The following BICRA variants were observed in gnomAD, a reference collection of about 807,000 sequenced individuals.
The protein encoded by BICRA is BRD4 interacting chromatin remodeling complex associated protein.
BICRA carries 31 observed loss-of-function variants against 96.9 expected under a neutral mutation model. The observed-to-expected ratio is 0.32, with a 90% CI of 0.24 to 0.43. The LOEUF is 0.43. BICRA is among the 20% of genes least tolerant of loss of function. The pLI, the probability that BICRA is intolerant of heterozygous loss-of-function variation, is 1.00. For missense variants in BICRA, 2,283 were observed against 2,190.3 expected (o/e 1.04, Z -0.84); for synonymous variants, 1,350 against 1,071.8 (o/e 1.26, Z -5.07).
intron 7 of BICRA, among the ~76,000 whole-genome samples, chr19:47,688,923 T>C (rs938393635): frequency 6.6e-6 from 1 of 151,976 alleles, no homozygotes; most frequent in African/African-American, 2.4e-5. Flanking sequence ...GTCTCTGGGA[T>C]TGGAGCAATT....
intron 1 of BICRA, among the ~76,000 whole-genome samples, chr19:47,621,491 G>A (rs1447814736): frequency 2.1e-5 from 3 of 146,332 alleles, no homozygotes; most frequent in African/African-American, 5.1e-5. Flanking sequence ...TTTTAAATGC[G>A]AGATGGAATT....
rs1464943492 is a variant in BICRA, at chr19:47,701,533, C to G, written c.3801C>G (p.Ser1267=). 6.5e-7 allele frequency: 1 copy of G among 1,549,232 alleles called. No homozygotes were observed. Among genetic ancestry groups the G allele is most frequent in the South Asian group, 1.2e-5 (1 of 84,148 alleles). Residue 1267 remains serine, a synonymous_variant, in exon 15 of 15, where the codon TCC becomes TCG. Coordinates refer to ENST00000594866, the MANE Select transcript of BICRA (RefSeq NM_001394372.1). This position sits in a 1 kb window ranked among gnomAD's most constrained non-coding sequence, Gnocchi z 5.4. ...PSVTWARASS[S]LSSSSSSSSA... ...TCACCTGGGCCCGGGCGTCCTCCTC[C>G]CTGTCCTCCTCTTCCTCCTCCTCCT...
Position 47,698,337 on chromosome 19 carries a change from C to A in BICRA, c.3249-297C>A, listed in dbSNP as rs1285472225. ...TAGCAGCTTCCAGGCTCTGGCCTCA[C>A]TTCCCGCTCTGCTCTTCCTCCCTTA... On this transcript the variant is annotated intron_variant, in intron 11 of 14. Transcript: ENST00000594866. The surrounding 1 kb of genome is among the most constrained non-coding windows in gnomAD (Gnocchi z 4.8). Among the ~76,000 whole-genome samples, 1 of 152,186 alleles carries A rather than the reference C, an allele frequency of 6.6e-6. No homozygotes were observed. Among genetic ancestry groups the A allele is most frequent in the Non-Finnish European group, 1.5e-5 (1 of 68,022 alleles).
chr19:47,679,264 T>G, intron 5 of BICRA, 57 bp from the exon 6 acceptor site: 6 of 1,303,832 alleles, frequency 4.6e-6, no homozygotes, highest in Non-Finnish European at 6.0e-6. Flanking sequence ...AGCTGTGGCC[T>G]AAGCGTAGCC....
chr19:47,680,919 C>T lies in BICRA; in HGVS notation c.1749C>T (p.Leu583=), dbSNP rs1254571143. The change falls in exon 6 of 15, where the codon CTC becomes CTT. Residue 583 remains leucine (L), a synonymous_variant. Transcript: ENST00000594866. ...APAGPAATTV[L]QGVTLPPSAV... ...CCGGGCCGGCCGCCACCACTGTCCTCCAGGGGGTCACCCTGCCCCCCAGCG... is the reference window on the plus strand; with the variant it reads ...CCGGGCCGGCCGCCACCACTGTCCTTCAGGGGGTCACCCTGCCCCCCAGCG... The T allele has an allele frequency of 6.8e-7, 1 of 1,481,478 alleles. No homozygotes were observed. The highest frequency in any genetic ancestry group is 8.9e-7 in the Non-Finnish European group (1 of 1,128,072). 91.8% of individuals were successfully genotyped at this position (1,481,478 alleles called of 1,614,324 possible).
In BICRA at chr19:47,694,369, T is replaced by C. The variant is rs1199584354; in HGVS notation, c.2538T>C (p.Pro846=). The C allele has an allele frequency of 6.8e-6, 8 of 1,172,404 alleles. No individual in the cohort carries two copies. Among genetic ancestry groups the C allele is most frequent in the Non-Finnish European group, 9.5e-6 (8 of 845,464 alleles). 72.6% of individuals were successfully genotyped at this position (1,172,404 alleles called of 1,614,324 possible). The change falls in exon 8 of 15, where the codon CCT becomes CCC. Residue 846 remains proline (P), a synonymous_variant. Transcript: ENST00000594866. ...VIQNQLGVPP[P]ASNPAPTAPG... ...AAAACCAGCTAGGCGTTCCCCCGCC[T>C]GCCAGCAACCCGGCCCCTACTGCCC...
At chr19:47,624,519 T>C (rs1972111665) in intron 1 of BICRA, among the ~76,000 whole-genome samples, 1 of 152,120 alleles carries the variant, frequency 6.6e-6, no homozygotes. Flanking sequence ...AATTAAAAAT[T>C]GCTTTATTGC....
chr19:47,699,786 G>C lies in BICRA; in HGVS notation c.3595+381G>C, dbSNP rs905815754. Among the ~76,000 whole-genome samples the C allele has an allele frequency of 5.9e-5, 9 of 152,178 alleles. No homozygotes were observed. The highest frequency in any genetic ancestry group is 1.0e-4 in the Non-Finnish European group (7 of 68,032). On this transcript the variant is annotated intron_variant, in intron 14 of 14. Coordinates refer to ENST00000594866, the MANE Select transcript of BICRA (RefSeq NM_001394372.1). This position sits in a 1 kb window ranked among gnomAD's most constrained non-coding sequence, Gnocchi z 5.0. ...ACCCTGAGAGTGAGCACCTCCTTAA[G>C]TGTTGCACCTTAGGTGGCTCGCTGG...
intron 1 of BICRA, among the ~76,000 whole-genome samples, chr19:47,629,689 G>A (rs1050093476): frequency 6.6e-6 from 1 of 151,728 alleles, no homozygotes; most frequent in Non-Finnish European, 1.5e-5. Context: ...ACGGAGTCTC[G>A]CTCTGTCGCC....
intron 1 of BICRA, among the ~76,000 whole-genome samples, chr19:47,623,711 G>C (rs1197536657): frequency 6.6e-6 from 1 of 152,166 alleles, no homozygotes; most frequent in East Asian, 1.9e-4. Flanking sequence ...CATCAGGGTA[G>C]GCTTCCTGGA....
At chr19:47,669,113 T>C (rs975966338) in intron 1 of BICRA, among the ~76,000 whole-genome samples, 1 of 151,260 alleles carries the variant, frequency 6.6e-6, no homozygotes. Context: ...CACAAAAAAA[T>C]AAATAAAATA....
At chr19:47,625,585 G>T (rs1039456068) in intron 1 of BICRA, among the ~76,000 whole-genome samples, 1 of 152,090 alleles carries the variant, frequency 6.6e-6, no homozygotes, top group African/African-American at 2.4e-5. Flanking sequence ...TATACAGATC[G>T]TGAGGAGATT....
intron 7 of BICRA, among the ~76,000 whole-genome samples, chr19:47,692,874 A>C (rs1286201067): frequency 6.6e-6 from 1 of 152,186 alleles, no homozygotes; most frequent in Non-Finnish European, 1.5e-5. Context: ...TCGGGCAGAT[A>C]TCCTGAGCCC....
At chr19:47,627,649 G>A (rs1379520343) in intron 1 of BICRA, among the ~76,000 whole-genome samples, 1 of 152,178 alleles carries the variant, frequency 6.6e-6, no homozygotes, top group Non-Finnish European at 1.5e-5. Context: ...GCCCCACAAT[G>A]AGCCAGGAAA....
chr19:47,644,579 C>G (rs1014396418), intron 1 of BICRA, among the ~76,000 whole-genome samples: 2 of 151,484 alleles, frequency 1.3e-5, no homozygotes, highest in African/African-American at 4.9e-5. Flanking sequence ...CAGCTCACTG[C>G]AACCTCTGCC....
chr19:47,674,663 G>T (rs1242365254), intron 4 of BICRA, among the ~76,000 whole-genome samples: 1 of 152,190 alleles, frequency 6.6e-6, no homozygotes, highest in Non-Finnish European at 1.5e-5. Flanking sequence ...TTTGACTGGG[G>T]CTGGCAGATG....
intron 1 of BICRA, among the ~76,000 whole-genome samples, chr19:47,615,058 C>T (rs1256112623): frequency 6.6e-6 from 1 of 152,196 alleles, no homozygotes; most frequent in East Asian, 1.9e-4. Context: ...TCACTTTTCA[C>T]TGCAGCATTA....
chr19:47,644,258 C>T (rs1200548826), intron 1 of BICRA, among the ~76,000 whole-genome samples: 3 of 152,050 alleles, frequency 2.0e-5, no homozygotes. Flanking sequence ...CCCTTAGCCT[C>T]AAGTGATTCT....
At chr19:47,678,876 TTTCTTTTTTTTTTCTTTTTTTC>T (rs1972980965) in intron 5 of BICRA, 1 of 196,014 alleles carries the variant, frequency 5.1e-6, no homozygotes, top group Admixed American at 6.1e-5. Context: ...AATGTTCTTT[TTTCTTTTTTTTTTCTTTTTTTC>T]TTCTTTTTTT....
Sources: allele counts gnomAD v4.1 joint callset (sites outside exome capture counted in the v4.1 genomes callset), GRCh38; gene constraint gnomAD v4.1.1; non-coding constraint Gnocchi (gnomAD v3.1); transcripts MANE v1.5; gene names NCBI Gene and HGNC (gene_info 2026-07-23, HGNC 2026-07-21).